Variants in SESTD1 observed in about 807,000 individuals in gnomAD.
SESTD1 encodes SEC14 and spectrin domain containing 1.
In SESTD1, 43 loss-of-function variants were observed where a neutral mutation model predicts 101.7. That is an observed-to-expected ratio of 0.42 (90% CI 0.33 to 0.55). SESTD1 has a LOEUF of 0.55. Among genes scored for constraint, SESTD1 ranks in the 20% least tolerant of loss-of-function variants. The pLI, the probability that SESTD1 is intolerant of heterozygous loss-of-function variation, is 0.07. For synonymous variants in SESTD1, 283 were observed against 286.8 expected (o/e 0.99, Z 0.13); for missense variants, 647 against 815.1 (o/e 0.79, Z 2.51).
At position 179,124,304 on chromosome 2, in the gene SESTD1, A is replaced by C; in HGVS notation, c.1167+60T>G. On this transcript the variant is annotated intron_variant, in intron 11 of 17. Coordinates refer to ENST00000428443, the MANE Select transcript of SESTD1 (RefSeq NM_178123.5). ...GAGGCATGCAAACCTGAAAAAAATT[A>C]CGTGTAGGTAAGTGTTCAGATAATT... 1.3e-5 allele frequency: 19 copies of C among 1,484,742 alleles called. 1 individual carries two copies. In the Middle Eastern group the frequency reaches 3.4e-3, roughly 266 times the overall value. The allele number at this position is 1,484,742 out of a possible 1,614,324, so 92.0% of individuals were successfully genotyped here.
intron 5 of SESTD1, among the ~76,000 whole-genome samples, chr2:179,167,606 C>A (rs867087831): frequency 6.6e-6 from 1 of 150,930 alleles, no homozygotes; most frequent in Non-Finnish European, 1.5e-5. Context: ...AAACCAAAAT[C>A]AAAATGAAAA....
rs1216547934 is a variant in SESTD1 at position 179,214,803 on chromosome 2, G to A, written c.-25-22937C>T. ...AACAAACTGTCTCTCAGACCACAGTGCAAACAAATTAGAATTCAGGATTAA... is the reference window on the plus strand; with the variant it reads ...AACAAACTGTCTCTCAGACCACAGTACAAACAAATTAGAATTCAGGATTAA... On this transcript the variant is annotated intron_variant, in intron 1 of 17. Transcript: ENST00000428443. 2.2e-5 allele frequency among the ~76,000 whole-genome samples: 3 copies of A among 135,340 alleles called. 1 individual carries two copies. The highest frequency in any genetic ancestry group is 4.8e-5 in the Non-Finnish European group (3 of 62,934). The allele number at this position is 135,340 out of a possible 152,430, so 88.8% of individuals were successfully genotyped here. A position where few individuals can be genotyped will look rare whatever the true frequency, so the allele number is the denominator to read the frequency against.
intron 8 of SESTD1, 54 bp downstream of exon 8, chr2:179,146,348 A>C: frequency 7.0e-7 from 1 of 1,434,320 alleles, no homozygotes; most frequent in South Asian, 1.2e-5. Context: ...TTAATGAACG[A>C]ATCAATCCAA....
At chr2:179,213,887 A>C (rs1328885454) in intron 1 of SESTD1, among the ~76,000 whole-genome samples, 1 of 135,156 alleles carries the variant, frequency 7.4e-6, no homozygotes, top group Non-Finnish European at 1.6e-5. Flanking sequence ...ACTAAGCTTC[A>C]TAAGTGAAGG....
chr2:179,230,316 TG>T (rs936571466), intron 1 of SESTD1, among the ~76,000 whole-genome samples: 1 of 151,448 alleles, frequency 6.6e-6, no homozygotes, highest in African/African-American at 2.4e-5. Context: ...TTGTATTTTT[TG>T]TAGAGAATGA....
chr2:179,244,001 T>A (rs2047193493), intron 1 of SESTD1, among the ~76,000 whole-genome samples: 1 of 151,044 alleles, frequency 6.6e-6, no homozygotes, highest in Admixed American at 6.6e-5. Context: ...GGTGTACACT[T>A]GTATCCTAGC....
At position 179,202,742 on chromosome 2, in the gene SESTD1, G is replaced by A. The variant is rs1215549657; in HGVS notation, c.-25-10876C>T. On this transcript the variant is annotated intron_variant, in intron 1 of 17. Transcript: ENST00000428443. The stretch of plus-strand genomic sequence containing the variant: ...TTCACTTTTAAATGATACTGTGAAT[G>A]GAATCATTCTCTCCCCAAAGATGCC... Among the ~76,000 whole-genome samples, 7 of 135,064 alleles carry A rather than the reference G, an allele frequency of 5.2e-5. 2 individuals carry two copies. Among genetic ancestry groups the A allele is most frequent in the East Asian group, 4.0e-4 (2 of 5,028 alleles). The allele number at this position is 135,064 out of a possible 152,430, so 88.6% of individuals were successfully genotyped here.
intron 5 of SESTD1, among the ~76,000 whole-genome samples, chr2:179,169,974 CA>C (rs35057148): frequency 0.16 from 13,008 of 81,968 alleles, 1,921 homozygotes; most frequent in African/African-American, 0.42. Flanking sequence ...AACTCCATCT[CA>C]AAAAAAAAAA....
intron 4 of SESTD1, among the ~76,000 whole-genome samples, chr2:179,176,155 A>G (rs1261557556): frequency 1.3e-5 from 2 of 152,224 alleles, no homozygotes; most frequent in Non-Finnish European, 2.9e-5. Context: ...GAGTCTCATC[A>G]TTTCAATGCT....
Position 179,172,163 on chromosome 2 carries a change from G to A in SESTD1, c.326C>T (p.Thr109Met), listed in dbSNP as rs751171097. The stretch of plus-strand genomic sequence containing the variant: ...CTTCTCCTTCCAAAAACAAAAATGC[G>A]TTACTTTCTTATCCCAGAATTCATC... ...KPDEFWDKKV[T>M]HFCFWKEKDR... The change falls in exon 5 of 18, where the codon ACG (threonine) becomes ATG (methionine). Residue 109 changes from threonine (T) to methionine (M), a missense_variant. Coordinates refer to ENST00000428443, the MANE Select transcript of SESTD1 (RefSeq NM_178123.5). 6.2e-7 allele frequency: 1 copy of A among 1,609,528 alleles called. No homozygotes were observed. Among genetic ancestry groups the A allele is most frequent in the Non-Finnish European group, 8.5e-7 (1 of 1,177,178 alleles).
rs947698704 is a variant in SESTD1, at chr2:179,264,746, A to C, written c.-273T>G. On this transcript the variant is annotated 5_prime_UTR_variant, in exon 1 of 18. Coordinates refer to ENST00000428443, the MANE Select transcript of SESTD1 (RefSeq NM_178123.5). ...GCGGGTGGCCCGGCGACCTCTCGGC[A>C]CCCGCGGCCCGAGCCGCGTCCGCGC... The C allele has an allele frequency of 6.6e-6, 1 of 150,616 alleles. No homozygotes were observed. The highest frequency in any genetic ancestry group is 1.8e-4 in the South Asian group (1 of 5,582). 9.3% of individuals were successfully genotyped at this position (150,616 alleles called of 1,614,324 possible).
chr2:179,144,506 A>G (rs955992536), intron 8 of SESTD1, among the ~76,000 whole-genome samples: 1 of 152,162 alleles, frequency 6.6e-6, no homozygotes, highest in Non-Finnish European at 1.5e-5. Context: ...CATACATGAG[A>G]AACTACAATT....
intron 6 of SESTD1, 60 bp downstream of exon 6, chr2:179,151,218 G>T: frequency 8.6e-7 from 1 of 1,163,700 alleles, no homozygotes; most frequent in Non-Finnish European, 1.2e-6. Flanking sequence ...AAATGATAAA[G>T]TTATCAAAAT....
intron 1 of SESTD1, among the ~76,000 whole-genome samples, chr2:179,230,113 CTTTTTTTTTTTTTT>C (rs71023474): frequency 1.7e-3 from 98 of 56,400 alleles, no homozygotes; most frequent in South Asian, 9.7e-3. Context: ...GATTGTATCT[CTTTTTTTTTTTTTT>C]TTTTTTTTTT....
intron 16 of SESTD1, 130 bp from the exon 17 acceptor site, chr2:179,112,975 T>C: frequency 1.6e-6 from 2 of 1,274,632 alleles, no homozygotes; most frequent in South Asian, 3.4e-5. Flanking sequence ...TCATACAAAT[T>C]TGGTAGATTA....
chr2:179,214,642 T>C lies in SESTD1; in HGVS notation c.-25-22776A>G, dbSNP rs531528516. ...TCAGCTCTGCACCAAGCAGACCTAATAGATGTCTACAGAACTCTCCATCCC... is the reference window on the plus strand; with the variant it reads ...TCAGCTCTGCACCAAGCAGACCTAACAGATGTCTACAGAACTCTCCATCCC... On this transcript the variant is annotated intron_variant, in intron 1 of 17. Coordinates refer to ENST00000428443, the MANE Select transcript of SESTD1 (RefSeq NM_178123.5). 1.1e-3 allele frequency among the ~76,000 whole-genome samples: 142 copies of C among 134,942 alleles called. 28 individuals are homozygous for C. The highest frequency in any genetic ancestry group is 1.8e-3 in the Non-Finnish European group (110 of 62,772). 88.5% of individuals were successfully genotyped at this position (134,942 alleles called of 152,430 possible).
At chr2:179,130,719 A>G (rs2044992272) in intron 10 of SESTD1, among the ~76,000 whole-genome samples, 1 of 152,098 alleles carries the variant, frequency 6.6e-6, no homozygotes, top group Non-Finnish European at 1.5e-5. Flanking sequence ...TTTCATAACT[A>G]AATCCCCTTA....
At chr2:179,181,210 G>C (rs1293750946) in intron 3 of SESTD1, among the ~76,000 whole-genome samples, 27 of 152,134 alleles carry the variant, frequency 1.8e-4, no homozygotes, top group Non-Finnish European at 2.6e-4. Flanking sequence ...ACGCCAGAGT[G>C]AACATGAGCC....
intron 5 of SESTD1, among the ~76,000 whole-genome samples, chr2:179,157,148 G>C (rs2045648084): frequency 6.6e-6 from 1 of 152,030 alleles, no homozygotes; most frequent in African/African-American, 2.4e-5. Context: ...AAAATACTTA[G>C]GGATATACCA....
Sources: gnomAD v4.1 joint callset for allele counts (sites outside exome capture counted in the v4.1 genomes callset) on GRCh38, gnomAD v4.1.1 for gene constraint, MANE v1.5 for transcripts, NCBI Gene and HGNC (gene_info 2026-07-23, HGNC 2026-07-21) for gene names.